Variants in OPCML observed in about 807,000 individuals in gnomAD.
OPCML encodes the protein opioid-binding protein/cell adhesion molecule.
OPCML carries 13 observed loss-of-function variants against 37.8 expected under a neutral mutation model. That is an observed-to-expected ratio of 0.34 (90% confidence interval 0.22 to 0.55). The LOEUF (loss-of-function observed/expected upper bound fraction) is 0.55. OPCML is among the 20% of genes least tolerant of loss of function. OPCML has a pLI of 0.91. For missense variants in OPCML, 341 were observed against 435.6 expected, an observed-to-expected ratio of 0.78 and a Z score of 1.93; for synonymous variants, 176 against 168.8, an observed-to-expected ratio of 1.04 and a Z score of -0.33.
At chr11:133,120,182 A>G (rs1456614690) in intron 1 of OPCML, among the ~76,000 whole-genome samples, 1 of 152,192 alleles carries the variant, frequency 6.6e-6, no homozygotes, top group Non-Finnish European at 1.5e-5. Flanking sequence ...ATACATGTAT[A>G]TGTGTGTATA....
intron 2 of OPCML, among the ~76,000 whole-genome samples, chr11:132,830,346 G>A (rs944874354): frequency 4.6e-5 from 7 of 152,148 alleles, no homozygotes; most frequent in African/African-American, 1.4e-4. Flanking sequence ...CCATAAAGCG[G>A]TGTTGGACTC....
chr11:132,787,286 T>G (rs1947247479), intron 2 of OPCML, among the ~76,000 whole-genome samples: 1 of 152,216 alleles, frequency 6.6e-6, no homozygotes, highest in South Asian at 2.1e-4. Context: ...AATGCATGAC[T>G]GTGAGCAAAA....
chr11:133,451,930 G>T (rs527666315), intron 1 of OPCML, among the ~76,000 whole-genome samples: 1 of 151,252 alleles, frequency 6.6e-6, no homozygotes, highest in Non-Finnish European at 1.5e-5. Context: ...AAGGCCAAAA[G>T]GACTCCACAA....
intron 1 of OPCML, among the ~76,000 whole-genome samples, chr11:133,504,143 A>C (rs985158550): frequency 6.6e-6 from 1 of 152,174 alleles, no homozygotes; most frequent in Non-Finnish European, 1.5e-5. Flanking sequence ...GGAAGTCACT[A>C]TCTGGGGCTC....
chr11:132,477,649 A>G (rs2096161598), intron 4 of OPCML, among the ~76,000 whole-genome samples: 1 of 152,218 alleles, frequency 6.6e-6, no homozygotes, highest in Admixed American at 6.5e-5. Flanking sequence ...ATGGAGGCAA[A>G]GTTCAAGACA....
chr11:133,192,870 C>CTT (rs199872888), intron 1 of OPCML, among the ~76,000 whole-genome samples: 13 of 138,214 alleles, frequency 9.4e-5, no homozygotes, highest in African/African-American at 2.2e-4. Context: ...CTTTTCTTTT[C>CTT]TTTTTTTTTT....
chr11:133,447,833 C>A (rs1425717261), intron 1 of OPCML, among the ~76,000 whole-genome samples: 2 of 152,318 alleles, frequency 1.3e-5, no homozygotes, highest in Admixed American at 6.5e-5. Context: ...GATGAACATA[C>A]AATGCAAGTA....
intron 1 of OPCML, among the ~76,000 whole-genome samples, chr11:133,521,461 C>T (rs1328981473): frequency 1.3e-5 from 2 of 152,248 alleles, no homozygotes; most frequent in East Asian, 1.9e-4. Context: ...GTGACCCAAT[C>T]TTCATGGACA....
intron 2 of OPCML, among the ~76,000 whole-genome samples, chr11:132,688,161 A>G (rs889726798): frequency 1.3e-5 from 2 of 151,436 alleles, no homozygotes; most frequent in African/African-American, 4.9e-5. Context: ...TCTGTTTAGG[A>G]ATCATGGTTT....
chr11:132,703,486 A>G (rs1379716610), intron 2 of OPCML, among the ~76,000 whole-genome samples: 1 of 152,184 alleles, frequency 6.6e-6, no homozygotes, highest in African/African-American at 2.4e-5. Flanking sequence ...TGCCTGTACA[A>G]GAAGTACACA....
intron 1 of OPCML, among the ~76,000 whole-genome samples, chr11:133,355,428 A>G (rs1368501641): frequency 2.0e-5 from 3 of 152,234 alleles, no homozygotes; most frequent in Non-Finnish European, 4.4e-5. Context: ...AGGATTGTTA[A>G]TTTAAGTCAT....
chr11:133,364,434 T>G (rs915088857), intron 1 of OPCML, among the ~76,000 whole-genome samples: 4 of 152,216 alleles, frequency 2.6e-5, no homozygotes, highest in Non-Finnish European at 5.9e-5. Context: ...CCTATTGTTC[T>G]AATTAGACTG....
At chr11:132,579,295 A>G (rs535591282) in intron 3 of OPCML, among the ~76,000 whole-genome samples, 1 of 152,088 alleles carries the variant, frequency 6.6e-6, no homozygotes, top group Non-Finnish European at 1.5e-5. Context: ...TTCATCACCA[A>G]TTGCAAATTC....
intron 2 of OPCML, among the ~76,000 whole-genome samples, chr11:132,891,440 G>A (rs1169768728): frequency 1.3e-5 from 2 of 152,136 alleles, no homozygotes; most frequent in East Asian, 1.9e-4. Flanking sequence ...GTTTGTTTAT[G>A]TGCAAATAAA....
chr11:133,523,330 C>T (rs1948430588), intron 1 of OPCML, among the ~76,000 whole-genome samples: 1 of 152,152 alleles, frequency 6.6e-6, no homozygotes, highest in Non-Finnish European at 1.5e-5. Context: ...CTCTTCTCAG[C>T]ACTCTCCCAG....
intron 1 of OPCML, among the ~76,000 whole-genome samples, chr11:133,057,617 C>A (rs1055475318): frequency 1.3e-5 from 2 of 152,180 alleles, no homozygotes; most frequent in African/African-American, 4.8e-5. Context: ...TATAGCCTGC[C>A]CCTGTCCCTA....
At chr11:132,485,289 T>G (rs1051388002) in intron 4 of OPCML, among the ~76,000 whole-genome samples, 3 of 152,142 alleles carry the variant, frequency 2.0e-5, no homozygotes, top group African/African-American at 7.2e-5. Context: ...AGTCCAGGAC[T>G]GGGGCAGGAG....
chr11:133,387,860 C>T (rs979396838), intron 1 of OPCML, among the ~76,000 whole-genome samples: 2 of 152,154 alleles, frequency 1.3e-5, no homozygotes, highest in Non-Finnish European at 2.9e-5. Flanking sequence ...GGCAGACCTG[C>T]CTCTCAAGGT....
intron 3 of OPCML, among the ~76,000 whole-genome samples, chr11:132,569,984 G>T (rs544585762): frequency 6.6e-6 from 1 of 150,860 alleles, no homozygotes; most frequent in Admixed American, 6.6e-5. Flanking sequence ...ATGAATCCAG[G>T]TGAAAGAAAT....
Sources: gnomAD v4.1 joint callset for allele counts (sites outside exome capture counted in the v4.1 genomes callset) on GRCh38, gnomAD v4.1.1 for gene constraint, MANE v1.5 for transcripts, NCBI Gene and HGNC (gene_info 2026-07-23, HGNC 2026-07-21) for gene names.